MLLT3: variants seen among roughly 807,000 people sequenced by gnomAD.
MLLT3 encodes the protein protein AF-9.
A neutral mutation model predicts 53.2 loss-of-function variants in MLLT3; 4 were observed. The observed-to-expected ratio is 0.08, with a 90% CI of 0.04 to 0.17. MLLT3 has a LOEUF of 0.17. Among genes scored for constraint, MLLT3 ranks in the 10% least tolerant of loss-of-function variants. The probability of loss-of-function intolerance (pLI) is 1.00; values close to 1 mark genes in which losing one functional copy is unlikely to be tolerated. For synonymous variants in MLLT3, 283 were observed against 230.6 expected (o/e 1.23, Z -2.06); for missense variants, 569 against 684.0 (o/e 0.83, Z 1.87).
intron 5 of MLLT3, among the ~76,000 whole-genome samples, chr9:20,411,462 A>C (rs987698018): frequency 2.6e-5 from 4 of 152,190 alleles, no homozygotes; most frequent in Non-Finnish European, 5.9e-5. Flanking sequence ...CAATAAAGCC[A>C]TTACTAGTAC....
intron 2 of MLLT3, among the ~76,000 whole-genome samples, chr9:20,521,825 TG>T (rs763172058): frequency 7.9e-5 from 12 of 152,152 alleles, no homozygotes; most frequent in Non-Finnish European, 1.5e-4. Context: ...ACTCATTAAT[TG>T]CTGAAAAAAT....
At chr9:20,599,237 G>A (rs1167481623) in intron 2 of MLLT3, among the ~76,000 whole-genome samples, 3 of 151,526 alleles carry the variant, frequency 2.0e-5, no homozygotes, top group Non-Finnish European at 4.4e-5. Context: ...CAGGGAGATG[G>A]AGGTTGCAGT....
intron 5 of MLLT3, among the ~76,000 whole-genome samples, chr9:20,400,135 AAAAC>A (rs751419786): frequency 2.8e-4 from 43 of 152,174 alleles, no homozygotes; most frequent in Non-Finnish European, 4.9e-4. Flanking sequence ...AAACAAAACT[AAAAC>A]AAACAAAAAA....
At chr9:20,424,794 G>C (rs1823101522) in intron 4 of MLLT3, among the ~76,000 whole-genome samples, 3 of 152,232 alleles carry the variant, frequency 2.0e-5, no homozygotes, top group Admixed American at 1.3e-4. Context: ...AAATTTTCTT[G>C]TCAGTAAAAT....
At chr9:20,351,253 C>T (rs770033186) in intron 10 of MLLT3, among the ~76,000 whole-genome samples, 14 of 152,308 alleles carry the variant, frequency 9.2e-5, no homozygotes, top group African/African-American at 1.9e-4. Context: ...AAAAGAATGA[C>T]GGCTGGCTTC....
chr9:20,519,237 T>C (rs1227933532), intron 2 of MLLT3, among the ~76,000 whole-genome samples: 2 of 152,214 alleles, frequency 1.3e-5, no homozygotes, highest in African/African-American at 4.8e-5. Context: ...AATTAGTTAA[T>C]AATGGTGTGC....
At chr9:20,351,285 T>C (rs889269412) in intron 10 of MLLT3, among the ~76,000 whole-genome samples, 4 of 152,188 alleles carry the variant, frequency 2.6e-5, no homozygotes, top group Admixed American at 2.6e-4. Flanking sequence ...ACTACTCTCT[T>C]AGGAAACCTG....
intron 2 of MLLT3, among the ~76,000 whole-genome samples, chr9:20,579,884 G>C (rs148542766): frequency 1.3e-5 from 2 of 152,158 alleles, no homozygotes; most frequent in Non-Finnish European, 2.9e-5. Flanking sequence ...TTTTCTCTAG[G>C]GGGAGAGAAG....
chr9:20,471,295 T>C (rs1245697297), intron 2 of MLLT3, among the ~76,000 whole-genome samples: 1 of 152,024 alleles, frequency 6.6e-6, no homozygotes, highest in Non-Finnish European at 1.5e-5. Context: ...ATAAGAAAAA[T>C]CTTTAAAACA....
chr9:20,369,140 C>T (rs1231040038), intron 5 of MLLT3, among the ~76,000 whole-genome samples: 1 of 152,114 alleles, frequency 6.6e-6, no homozygotes, highest in Non-Finnish European at 1.5e-5. Context: ...GTCCAGGGAC[C>T]AACCATGCTG....
chr9:20,577,693 T>C (rs1176376842), intron 2 of MLLT3, among the ~76,000 whole-genome samples: 3 of 152,126 alleles, frequency 2.0e-5, no homozygotes, highest in South Asian at 2.1e-4. Context: ...ATTCGAAAGG[T>C]AGAAATAAGC....
At chr9:20,419,623 TG>T (rs1194989782) in intron 4 of MLLT3, among the ~76,000 whole-genome samples, 1 of 152,070 alleles carries the variant, frequency 6.6e-6, no homozygotes, top group Non-Finnish European at 1.5e-5. Context: ...GCTTCTCATT[TG>T]TAATACTGAA....
rs1223357783 is a variant in MLLT3 at position 20,614,020 on chromosome 9, T to C, written c.193+6634A>G. On this transcript the variant is annotated intron_variant, in intron 2 of 10. Transcript: ENST00000380338. ...TATAATAAATCCATATACAATGTCA[T>C]ACCAGAAAAATCCAACAATTTTAAA... 2.0e-5 allele frequency among the ~76,000 whole-genome samples: 3 copies of C among 152,156 alleles called. No homozygotes were observed. The East Asian group carries it at 5.8e-4, about 29-fold the overall frequency.
Position 20,342,198 on chromosome 9 carries a change from A to G in MLLT3, c.*4245T>C. 1 of 219,042 alleles carries G rather than the reference A, an allele frequency of 4.6e-6. No homozygotes were observed. The highest frequency in any genetic ancestry group is 2.2e-5 in the African/African-American group (1 of 44,748). 13.6% of individuals were successfully genotyped at this position (219,042 alleles called of 1,614,324 possible). A position where few individuals can be genotyped will look rare whatever the true frequency, so the allele number is the denominator to read the frequency against. On this transcript the variant is annotated 3_prime_UTR_variant, in exon 11 of 11. Coordinates refer to ENST00000380338, the MANE Select transcript of MLLT3 (RefSeq NM_004529.4). ...CAAATCAGTACAATTATACATTTTA[A>G]AAAAGGTGCTGAAACAGATTATATG...
intron 2 of MLLT3, among the ~76,000 whole-genome samples, chr9:20,506,731 T>C (rs1825389287): frequency 6.6e-6 from 1 of 152,192 alleles, no homozygotes. Flanking sequence ...CTTCTGTCAT[T>C]CAAGATGAAC....
At chr9:20,476,718 G>T (rs746285985) in intron 2 of MLLT3, among the ~76,000 whole-genome samples, 1 of 152,080 alleles carries the variant, frequency 6.6e-6, no homozygotes. Context: ...TTTGAAGACA[G>T]TATTTTATCT....
At chr9:20,520,968 G>A (rs1319107622) in intron 2 of MLLT3, among the ~76,000 whole-genome samples, 1 of 152,164 alleles carries the variant, frequency 6.6e-6, no homozygotes, top group African/African-American at 2.4e-5. Flanking sequence ...TAAGACAAAA[G>A]AGTTGTAGAC....
chr9:20,605,804 T>G (rs569442767), intron 2 of MLLT3, among the ~76,000 whole-genome samples: 1 of 152,110 alleles, frequency 6.6e-6, no homozygotes, highest in Non-Finnish European at 1.5e-5. Flanking sequence ...ATGAGTCCTA[T>G]ATCATCATTT....
chr9:20,588,792 G>A (rs905276335), intron 2 of MLLT3, among the ~76,000 whole-genome samples: 6 of 152,092 alleles, frequency 3.9e-5, no homozygotes, highest in East Asian at 1.9e-4. Context: ...CTGCAAACAG[G>A]GACAATTTGA....
Sources: allele counts gnomAD v4.1 joint callset (sites outside exome capture counted in the v4.1 genomes callset), GRCh38; gene constraint gnomAD v4.1.1; transcripts MANE v1.5; gene names NCBI Gene and HGNC (gene_info 2026-07-23, HGNC 2026-07-21).